PIEZO1: variants seen among roughly 807,000 people sequenced by gnomAD.
PIEZO1 encodes the protein piezo-type mechanosensitive ion channel component 1.
PIEZO1 carries 296 observed loss-of-function variants against 297.2 expected under a neutral mutation model. That is an observed-to-expected ratio of 1.00 (90% CI 0.91 to 1.10). The LOEUF is 1.10. Among genes scored for constraint, PIEZO1 ranks in the 50% least tolerant of loss-of-function variants. The pLI is 0.00. For synonymous variants in PIEZO1, 2,427 were observed against 1,507.5 expected, an observed-to-expected ratio of 1.61 and a Z score of -14.13; for missense variants, 5,018 against 3,455.5, an observed-to-expected ratio of 1.45 and a Z score of -11.34.
intron 1 of PIEZO1, among the ~76,000 whole-genome samples, chr16:88,778,677 T>C (rs1907787481): frequency 6.6e-6 from 1 of 152,144 alleles, no homozygotes. Context: ...GCTGCCCAGA[T>C]CCTCACCCGC....
intron 2 of PIEZO1, chr16:88,743,232 C>T: frequency 2.2e-6 from 1 of 456,518 alleles, no homozygotes; most frequent in Non-Finnish European, 4.4e-6. Context: ...ACTCAGGAGC[C>T]CTGGCTTCAC....
At position 88,732,365 on chromosome 16, in the gene PIEZO1, G is replaced by T. The variant is rs1353156223; in HGVS notation, c.2961C>A (p.Ile987=). The T allele has an allele frequency of 5.8e-6, 9 of 1,549,642 alleles. No homozygotes were observed. In the South Asian group the frequency reaches 6.0e-5, roughly 10 times the overall value. Residue 987 remains isoleucine, a synonymous_variant, in exon 21 of 51, where the codon ATC becomes ATA. Coordinates refer to ENST00000301015, the MANE Select transcript of PIEZO1 (RefSeq NM_001142864.4). ...GCCCGAATTTGTAGAAGAAGAAGTTGATGAAGTACTTGAGGCAGCCGAGCA... is the reference window on the plus strand; with the variant it reads ...GCCCGAATTTGTAGAAGAAGAAGTTTATGAAGTACTTGAGGCAGCCGAGCA... The part of the protein sequence containing the change: ...QDLLGCLKYF[I]NFFFYKFGLE...
rs1292652815 is a variant in PIEZO1 at position 88,721,408 on chromosome 16, T to C, written c.5426A>G (p.Glu1809Gly). The part of the protein sequence containing the change: ...QLLCYGLWDH[E>G]EDSPSKEHDK... ...ATGCTCCTTGGATGGTGAGTCCTCC[T>C]CATGGTCCCAGAGGCCATAGCACTG... The change falls in exon 39 of 51, where the codon GAG becomes GGG. Residue 1809 changes from glutamate to glycine, a missense_variant. By Grantham distance (98) the Glu-to-Gly change is moderately conservative. Coordinates refer to ENST00000301015, the MANE Select transcript of PIEZO1 (RefSeq NM_001142864.4). 6.5e-7 allele frequency: 1 copy of C among 1,549,698 alleles called. No homozygotes were observed. Among genetic ancestry groups the C allele is most frequent in the Non-Finnish European group, 8.7e-7 (1 of 1,146,636 alleles).
intron 40 of PIEZO1, 39 bp downstream of exon 40, chr16:88,720,577 A>AC: frequency 1.3e-6 from 1 of 790,682 alleles, no homozygotes; most frequent in East Asian, 3.2e-5. Flanking sequence ...CCGCCTCCCC[A>AC]CCCCCACTCC....
In PIEZO1 at chr16:88,730,522, C is replaced by T. The variant is rs557619703; in HGVS notation, c.3196+1184G>A. On this transcript the variant is annotated intron_variant, in intron 22 of 50. Coordinates refer to ENST00000301015, the MANE Select transcript of PIEZO1 (RefSeq NM_001142864.4). ...CTGAGACAGGAGAATTGCTTGAACCCGGGAGGCGGAGGCTGCAGTGAGCCG... is the reference window on the plus strand; with the variant it reads ...CTGAGACAGGAGAATTGCTTGAACCTGGGAGGCGGAGGCTGCAGTGAGCCG... 5.4e-5 allele frequency among the ~76,000 whole-genome samples: 8 copies of T among 148,652 alleles called. No individual in the cohort carries two copies. In the South Asian group the frequency reaches 6.4e-4, roughly 12 times the overall value.
intron 22 of PIEZO1, chr16:88,731,497 CA>C: frequency 1.7e-6 from 1 of 578,192 alleles, no homozygotes; most frequent in Non-Finnish European, 3.1e-6. Flanking sequence ...GAAAAGAGAA[CA>C]GCAGAGCCTG....
Position 88,722,598 on chromosome 16 carries a change from G to C in PIEZO1, c.4760C>G (p.Pro1587Arg). The change falls in exon 35 of 51, where the codon CCA becomes CGA. Residue 1587 changes from proline to arginine, a missense_variant. Pro to Arg is a moderately radical substitution (Grantham distance 103, BLOSUM62 -2). Transcript: ENST00000301015. Reference protein sequence around the residue: ...LPGPTEAPNAPSTVSSGLGAE... With the variant: ...LPGPTEAPNARSTVSSGLGAE... ...CCGCACCTACCTGGACACGGTGCTTGGGGCATTGGGGGCCTCGGTGGGGCC... is the reference window on the plus strand; with the variant it reads ...CCGCACCTACCTGGACACGGTGCTTCGGGCATTGGGGGCCTCGGTGGGGCC... 2 of 1,536,382 alleles carry C rather than the reference G, an allele frequency of 1.3e-6. No individual in the cohort carries two copies. The highest frequency in any genetic ancestry group is 1.7e-4 in the Middle Eastern group (1 of 5,940).
chr16:88,742,222 G>A (rs1272185253), intron 3 of PIEZO1, 78 bp downstream of exon 3: 1 of 1,499,270 alleles, frequency 6.7e-7, no homozygotes. Context: ...AACCCCCCCA[G>A]GAGACTCGGG....
At chr16:88,766,171 T>C (rs1161590103) in intron 1 of PIEZO1, among the ~76,000 whole-genome samples, 1 of 152,148 alleles carries the variant, frequency 6.6e-6, no homozygotes, top group Non-Finnish European at 1.5e-5. Flanking sequence ...AATCGCAATT[T>C]GGTGTGCAGG....
intron 44 of PIEZO1, chr16:88,718,016 G>A (rs1912173764): frequency 3.0e-6 from 1 of 328,914 alleles, no homozygotes; most frequent in Admixed American, 4.8e-5. Context: ...CTGGGAGGCA[G>A]AGGCTACAGT....
At position 88,720,441 on chromosome 16, in the gene PIEZO1, A is replaced by G; in HGVS notation, c.5893T>C (p.Phe1965Leu). Reference sequence around the variant, plus strand: ...ATGAAGTCGACAACATCAGCCAGGAACATGAGGGCATAGACGTCGGTGGCT... The same window carrying G: ...ATGAAGTCGACAACATCAGCCAGGAGCATGAGGGCATAGACGTCGGTGGCT... The part of the protein sequence containing the change: ...RAATDVYALM[F>L]LADVVDFIII... Residue 1965 changes from phenylalanine to leucine, a missense_variant, in exon 41 of 51, where the codon TTC becomes CTC. By Grantham distance (22) the Phe-to-Leu change is conservative. Transcript: ENST00000301015. The G allele has an allele frequency of 3.2e-6, 5 of 1,550,498 alleles. No individual in the cohort carries two copies. Among genetic ancestry groups the G allele is most frequent in the Non-Finnish European group, 4.4e-6 (5 of 1,146,950 alleles).
chr16:88,754,417 G>A (rs1417147496), intron 1 of PIEZO1, among the ~76,000 whole-genome samples: 2 of 152,200 alleles, frequency 1.3e-5, no homozygotes, highest in African/African-American at 4.8e-5. Context: ...GACCTGCCAG[G>A]GGATGTCAGA....
chr16:88,717,627 G>A (rs1035428433), intron 44 of PIEZO1: 10 of 459,670 alleles, frequency 2.2e-5, no homozygotes, highest in African/African-American at 9.9e-5. Flanking sequence ...TGGATTTGGC[G>A]AAGGAAACAA....
intron 1 of PIEZO1, among the ~76,000 whole-genome samples, chr16:88,759,819 C>T (rs760686929): frequency 5.3e-5 from 8 of 152,208 alleles, no homozygotes; most frequent in African/African-American, 1.7e-4. Context: ...GAGGTTCACA[C>T]GGGCTGCATG....
Position 88,716,851 on chromosome 16 carries a change from C to A in PIEZO1, c.6708G>T (p.Thr2236=), listed in dbSNP as rs369088026. 3 of 1,550,134 alleles carry A rather than the reference C, an allele frequency of 1.9e-6. No individual in the cohort carries two copies. Among genetic ancestry groups the A allele is most frequent in the East Asian group, 4.9e-5 (2 of 40,930 alleles). Residue 2236 remains threonine (T), a synonymous_variant, in exon 46 of 51, where the codon ACG becomes ACT. Transcript: ENST00000301015. ...SAQQPSIIPF[T]AQAYEELSRQ... ...GGGACAGCTCCTCATAGGCCTGGGC[C>A]GTGAAGGGGATGATGGACGGCTGCT...
intron 22 of PIEZO1, among the ~76,000 whole-genome samples, chr16:88,730,099 G>A (rs922042465): frequency 7.2e-5 from 11 of 152,368 alleles, no homozygotes; most frequent in South Asian, 2.1e-4. Flanking sequence ...GGTGATGCTC[G>A]AAAGCAGATG....
intron 27 of PIEZO1, chr16:88,726,071 A>G: frequency 1.7e-6 from 1 of 589,788 alleles, no homozygotes; most frequent in Non-Finnish European, 3.0e-6. Flanking sequence ...TCAGCACTGC[A>G]GCCTGTGGTC....
intron 23 of PIEZO1, 79 bp from the exon 24 acceptor site, chr16:88,727,271 C>T (rs1263315864): frequency 1.4e-6 from 2 of 1,413,668 alleles, no homozygotes; most frequent in African/African-American, 1.4e-5. Context: ...CCACCTCCCA[C>T]CCCAGGCCTG....
intron 1 of PIEZO1, among the ~76,000 whole-genome samples, chr16:88,751,027 GCT>G (rs886955812): frequency 9.9e-5 from 15 of 152,084 alleles, no homozygotes; most frequent in African/African-American, 3.6e-4. Context: ...CCATAGTCTG[GCT>G]CTGTGCCCAG....
Sources: allele counts gnomAD v4.1 joint callset (sites outside exome capture counted in the v4.1 genomes callset), GRCh38; gene constraint gnomAD v4.1.1; transcripts MANE v1.5; gene names NCBI Gene and HGNC (gene_info 2026-07-23, HGNC 2026-07-21).